Variants in ULK4 observed in about 807,000 individuals in gnomAD.
The protein encoded by ULK4 is unc-51 like kinase 4.
ULK4 carries 133 observed loss-of-function variants against 160.6 expected under a neutral mutation model. That is an observed-to-expected ratio of 0.83 (90% CI 0.72 to 0.96). ULK4 has a LOEUF of 0.96. ULK4 is among the 40% of genes least tolerant of loss of function. The pLI, the probability that ULK4 is intolerant of heterozygous loss-of-function variation, is 0.00. For missense variants in ULK4, 1,580 were observed against 1,499.5 expected, an observed-to-expected ratio of 1.05 and a Z score of -0.89; for synonymous variants, 534 against 539.8, an observed-to-expected ratio of 0.99 and a Z score of 0.15.
At chr3:41,460,750 C>T (rs2083664102) in intron 33 of ULK4, among the ~76,000 whole-genome samples, 1 of 152,132 alleles carries the variant, frequency 6.6e-6, no homozygotes, top group South Asian at 2.1e-4. Context: ...ACTTATTGGT[C>T]ACCTTCACCG....
intron 34 of ULK4, 122 bp from the exon 35 acceptor site, chr3:41,398,386 TA>T (rs2082110425): frequency 1.0e-6 from 1 of 975,738 alleles, no homozygotes; most frequent in Non-Finnish European, 1.5e-6. Flanking sequence ...AATACTTTTT[TA>T]CTTTTTTTTT....
intron 30 of ULK4, among the ~76,000 whole-genome samples, chr3:41,622,057 T>C (rs762225028): frequency 2.0e-5 from 3 of 152,044 alleles, no homozygotes; most frequent in African/African-American, 4.8e-5. Flanking sequence ...AAAATCACAA[T>C]GAGATACCAT....
At position 41,463,159 on chromosome 3, in the gene ULK4, C is replaced by G. The variant is rs753421799; in HGVS notation, c.3321G>C (p.Leu1107=). 1 of 1,613,776 alleles carries G rather than the reference C, an allele frequency of 6.2e-7. No homozygotes were observed. The highest frequency in any genetic ancestry group is 2.2e-5 in the East Asian group (1 of 44,852). ...GCAAAATATCAAGCAGGGAAAAGAG[C>G]AGTGGAGCTGCCATCTCATTGTTGT... ...NKNNNEMAAP[L]LFSLLDILHS... Residue 1107 remains leucine, a synonymous_variant, in exon 33 of 37, where the codon CTG becomes CTC. Coordinates refer to ENST00000301831, the MANE Select transcript of ULK4 (RefSeq NM_017886.4).
chr3:41,271,592 C>T (rs937224206), intron 35 of ULK4, among the ~76,000 whole-genome samples: 15 of 152,082 alleles, frequency 9.9e-5, no homozygotes, highest in East Asian at 5.8e-4. Context: ...CGGAGTTTCA[C>T]GATGTTGGCC....
intron 35 of ULK4, among the ~76,000 whole-genome samples, chr3:41,316,944 C>G (rs1174749591): frequency 6.6e-6 from 1 of 151,804 alleles, no homozygotes; most frequent in Admixed American, 6.6e-5. Context: ...GCTCTCTATT[C>G]ACATATTTTT....
intron 17 of ULK4, among the ~76,000 whole-genome samples, chr3:41,843,747 C>T (rs56081180): frequency 0.18 from 27,684 of 151,904 alleles, 2,605 homozygotes; most frequent in Middle Eastern, 0.32. Flanking sequence ...GGAAGGGGAC[C>T]CGAGTGGGTT....
At chr3:41,476,381 T>C (rs2125891814) in intron 32 of ULK4, among the ~76,000 whole-genome samples, 1 of 152,318 alleles carries the variant, frequency 6.6e-6, no homozygotes, top group South Asian at 2.1e-4. Flanking sequence ...ACTTTTATTC[T>C]TCTCCACAGA....
At chr3:41,735,301 A>G (rs998324698) in intron 22 of ULK4, among the ~76,000 whole-genome samples, 1 of 152,182 alleles carries the variant, frequency 6.6e-6, no homozygotes, top group Non-Finnish European at 1.5e-5. Flanking sequence ...TTCCAGTAGT[A>G]TATTATGGAC....
chr3:41,282,545 G>A (rs990149693), intron 35 of ULK4, among the ~76,000 whole-genome samples: 4 of 152,160 alleles, frequency 2.6e-5, no homozygotes, highest in African/African-American at 4.8e-5. Context: ...AATAAGAAAC[G>A]GGGAAAGGAT....
chr3:41,414,856 C>T (rs2125830634), intron 34 of ULK4, among the ~76,000 whole-genome samples: 1 of 152,272 alleles, frequency 6.6e-6, no homozygotes. Flanking sequence ...GAGAAGGATA[C>T]TTGGTCTCCT....
intron 34 of ULK4, among the ~76,000 whole-genome samples, chr3:41,420,714 A>T (rs1466970665): frequency 1.3e-5 from 2 of 149,062 alleles, no homozygotes; most frequent in African/African-American, 2.5e-5. Flanking sequence ...CAAACTCCCA[A>T]CCTCAGGTGA....
At position 41,860,411 on chromosome 3, in the gene ULK4, G is replaced by C. The variant is rs993275031; in HGVS notation, c.1656+23463C>G. ...ATATATCTAGGTGCTCCAGTGTTGG[G>C]TACATATATATTTTACATTGTTATA... On this transcript the variant is annotated intron_variant, in intron 17 of 36. Transcript: ENST00000301831. Among the ~76,000 whole-genome samples the C allele has an allele frequency of 3.3e-5, 5 of 152,106 alleles. No homozygotes were observed. In the South Asian group the frequency reaches 1.0e-3, roughly 32 times the overall value.
At chr3:41,707,661 C>A (rs2036947315) in intron 25 of ULK4, among the ~76,000 whole-genome samples, 1 of 151,878 alleles carries the variant, frequency 6.6e-6, no homozygotes, top group Non-Finnish European at 1.5e-5. Context: ...GCAAGACTGT[C>A]TCCGCAGAAA....
chr3:41,856,568 T>TAC (rs1266743732), intron 17 of ULK4, among the ~76,000 whole-genome samples: 1 of 85,018 alleles, frequency 1.2e-5, no homozygotes, highest in East Asian at 3.0e-4. Context: ...TATACACATA[T>TAC]ATATATGTGT....
At chr3:41,879,921 A>C (rs1314842792) in intron 17 of ULK4, among the ~76,000 whole-genome samples, 1 of 152,060 alleles carries the variant, frequency 6.6e-6, no homozygotes, top group African/African-American at 2.4e-5. Context: ...GTTCGTGATC[A>C]GCCTGGCCAA....
At chr3:41,587,096 C>T (rs1403410513) in intron 31 of ULK4, among the ~76,000 whole-genome samples, 1 of 152,116 alleles carries the variant, frequency 6.6e-6, no homozygotes, top group African/African-American at 2.4e-5. Flanking sequence ...CTCTTCTAAG[C>T]TCATCCAGAT....
chr3:41,532,476 T>C (rs2643975), intron 32 of ULK4, among the ~76,000 whole-genome samples: 62,290 of 152,034 alleles, frequency 0.41, 14,202 homozygotes, highest in Non-Finnish European at 0.5. Flanking sequence ...TAATTTTGTT[T>C]GTTTTTTATT....
intron 22 of ULK4, among the ~76,000 whole-genome samples, chr3:41,729,202 C>T (rs776007176): frequency 1.6e-4 from 25 of 152,094 alleles, no homozygotes; most frequent in Non-Finnish European, 2.9e-4. Context: ...CCTGTCTCCC[C>T]AATTGGGATC....
At chr3:41,706,843 A>T (rs1474696805) in intron 25 of ULK4, among the ~76,000 whole-genome samples, 55 of 112,780 alleles carry the variant, frequency 4.9e-4, no homozygotes, top group African/African-American at 4.0e-3. Context: ...AAAAAAAAAA[A>T]AAAATATGTG....
Sources: gnomAD v4.1 joint callset for allele counts (sites outside exome capture counted in the v4.1 genomes callset) on GRCh38, gnomAD v4.1.1 for gene constraint, MANE v1.5 for transcripts, NCBI Gene and HGNC (gene_info 2026-07-23, HGNC 2026-07-21) for gene names.